Variants in AFF3 observed in about 807,000 individuals in gnomAD.
AFF3 encodes ALF transcription elongation factor 3.
AFF3 carries 32 observed loss-of-function variants against 129.7 expected under a neutral mutation model. The observed-to-expected ratio is 0.25, with a 90% CI of 0.19 to 0.33. The LOEUF (loss-of-function observed/expected upper bound fraction) is 0.33, where lower values mean the gene tolerates loss of function less well. Among genes scored for constraint, AFF3 ranks in the 10% least tolerant of loss-of-function variants. The pLI, the probability that AFF3 is intolerant of heterozygous loss-of-function variation, is 1.00. For synonymous variants in AFF3, 644 were observed against 635.4 expected (o/e 1.01, Z -0.20); for missense variants, 1,373 against 1,592.0 (o/e 0.86, Z 2.34).
At chr2:99,713,932 C>G (rs960522333) in intron 11 of AFF3, among the ~76,000 whole-genome samples, 1 of 151,876 alleles carries the variant, frequency 6.6e-6, no homozygotes, top group African/African-American at 2.4e-5. Context: ...AACTCCTGAC[C>G]TCAGGTGATC....
At chr2:99,572,027 T>C (rs538853077) in intron 18 of AFF3, among the ~76,000 whole-genome samples, 2 of 152,348 alleles carry the variant, frequency 1.3e-5, no homozygotes, top group African/African-American at 4.8e-5. Flanking sequence ...GTTTTCATTT[T>C]TCATTTGTGT....
intron 9 of AFF3, among the ~76,000 whole-genome samples, chr2:99,750,536 G>C (rs1328429689): frequency 6.6e-6 from 1 of 150,868 alleles, no homozygotes; most frequent in Non-Finnish European, 1.5e-5. Context: ...TGCTACCTCA[G>C]CGTCCCAAGT....
chr2:100,079,831 G>A (rs542725994), intron 4 of AFF3, among the ~76,000 whole-genome samples: 1 of 152,180 alleles, frequency 6.6e-6, no homozygotes, highest in East Asian at 1.9e-4. Flanking sequence ...TTATATCTGC[G>A]TTCTGGGTCA....
intron 17 of AFF3, among the ~76,000 whole-genome samples, chr2:99,581,853 G>GT (rs1197222142): frequency 0.076 from 9,283 of 121,546 alleles, 1,385 homozygotes; most frequent in African/African-American, 0.27. Flanking sequence ...AGGTGTTGGA[G>GT]TTTTTTTTTT....
intron 8 of AFF3, among the ~76,000 whole-genome samples, chr2:99,764,688 G>GT (rs139754629): frequency 0.029 from 4,383 of 152,234 alleles, 80 homozygotes; most frequent in Non-Finnish European, 0.04. Flanking sequence ...ATTCAAAGTA[G>GT]TAACATTTAG....
chr2:99,959,379 G>C (rs1676998007), intron 7 of AFF3, among the ~76,000 whole-genome samples: 1 of 145,518 alleles, frequency 6.9e-6, no homozygotes, highest in Non-Finnish European at 1.5e-5. Flanking sequence ...ATCAAGAATA[G>C]GACAAAGAGT....
At chr2:99,722,316 G>C (rs1297451799) in intron 11 of AFF3, among the ~76,000 whole-genome samples, 1 of 152,144 alleles carries the variant, frequency 6.6e-6, no homozygotes, top group African/African-American at 2.4e-5. Flanking sequence ...GTTTTGGTTA[G>C]ATAATGAACA....
intron 7 of AFF3, among the ~76,000 whole-genome samples, chr2:99,914,773 A>G (rs912732435): frequency 6.6e-6 from 1 of 151,836 alleles, no homozygotes; most frequent in Non-Finnish European, 1.5e-5. Context: ...AAAAAAAATT[A>G]GCTGGGCATG....
At chr2:100,093,447 GGAAAA>G (rs984262729) in intron 4 of AFF3, among the ~76,000 whole-genome samples, 13 of 151,290 alleles carry the variant, frequency 8.6e-5, no homozygotes, top group African/African-American at 3.2e-4. Context: ...ATAAAAGTAA[GGAAAA>G]GAAATCAATT....
At chr2:99,725,264 T>C (rs1188911721) in intron 11 of AFF3, among the ~76,000 whole-genome samples, 1 of 151,784 alleles carries the variant, frequency 6.6e-6, no homozygotes, top group Admixed American at 6.6e-5. Context: ...TGAGCCACCG[T>C]GCCTGGCCAA....
chr2:99,708,204 C>G (rs1677578868), intron 11 of AFF3, among the ~76,000 whole-genome samples: 1 of 152,096 alleles, frequency 6.6e-6, no homozygotes, highest in Admixed American at 6.6e-5. Flanking sequence ...TATATTTTAT[C>G]TGGCAACACT....
At chr2:99,726,549 G>C (rs1679378398) in intron 11 of AFF3, among the ~76,000 whole-genome samples, 1 of 152,144 alleles carries the variant, frequency 6.6e-6, no homozygotes, top group South Asian at 2.1e-4. Context: ...AGAAGAAACA[G>C]ACAAAACATA....
intron 7 of AFF3, among the ~76,000 whole-genome samples, chr2:99,928,196 A>G (rs1696414743): frequency 6.6e-6 from 1 of 152,200 alleles, no homozygotes; most frequent in Non-Finnish European, 1.5e-5. Context: ...ACTTATACAG[A>G]GGCTGTTTCA....
intron 4 of AFF3, among the ~76,000 whole-genome samples, chr2:100,061,509 C>G (rs1156502297): frequency 1.3e-5 from 2 of 152,022 alleles, no homozygotes; most frequent in Admixed American, 1.3e-4. Flanking sequence ...AAGTCCATTC[C>G]ATTCTAGATG....
chr2:99,764,827 C>G (rs1411193337), intron 8 of AFF3, among the ~76,000 whole-genome samples: 1 of 152,114 alleles, frequency 6.6e-6, no homozygotes, highest in Non-Finnish European at 1.5e-5. Context: ...ATACAGACAC[C>G]TGCTAGTTTC....
At chr2:99,992,519 G>A (rs763284763) in intron 7 of AFF3, among the ~76,000 whole-genome samples, 8 of 152,092 alleles carry the variant, frequency 5.3e-5, no homozygotes, top group Non-Finnish European at 1.2e-4. Flanking sequence ...TCACTGATGT[G>A]GGGCACAATT....
intron 8 of AFF3, among the ~76,000 whole-genome samples, chr2:99,807,499 C>G (rs1388983321): frequency 6.6e-6 from 1 of 152,132 alleles, no homozygotes; most frequent in African/African-American, 2.4e-5. Context: ...TATTGAGTCC[C>G]AATTCATAAA....
intron 7 of AFF3, among the ~76,000 whole-genome samples, chr2:99,932,872 T>C (rs1371057110): frequency 6.6e-6 from 1 of 152,230 alleles, no homozygotes; most frequent in African/African-American, 2.4e-5. Context: ...CAATTAACTT[T>C]TTTGTTGTGC....
chr2:99,877,824 A>T (rs536657754), intron 7 of AFF3, among the ~76,000 whole-genome samples: 2 of 152,294 alleles, frequency 1.3e-5, no homozygotes, highest in South Asian at 4.1e-4. Context: ...ATTCACAAAA[A>T]CGTGCACTAT....
Sources: allele counts gnomAD v4.1 joint callset (sites outside exome capture counted in the v4.1 genomes callset), GRCh38; gene constraint gnomAD v4.1.1; transcripts MANE v1.5; gene names NCBI Gene and HGNC (gene_info 2026-07-23, HGNC 2026-07-21).